Variants in MACROD2 observed in about 807,000 individuals in gnomAD.
MACROD2 encodes ADP-ribose glycohydrolase MACROD2.
Under a neutral mutation model 70.4 loss-of-function variants are expected in MACROD2, and 36 were observed. The observed-to-expected ratio is 0.51, with a 90% confidence interval of 0.39 to 0.68. MACROD2 has a LOEUF of 0.68. Among genes scored for constraint, MACROD2 ranks in the 30% least tolerant of loss-of-function variants. MACROD2 has a pLI of 0.00. For synonymous variants in MACROD2, 172 were observed against 178.8 expected, an observed-to-expected ratio of 0.96 and a Z score of 0.30; for missense variants, 496 against 538.4, an observed-to-expected ratio of 0.92 and a Z score of 0.78.
intron 3 of MACROD2, among the ~76,000 whole-genome samples, chr20:14,294,365 A>T (rs1399515326): frequency 3.3e-5 from 5 of 151,108 alleles, no homozygotes; most frequent in Non-Finnish European, 5.9e-5. Context: ...CTTGGAACCC[A>T]GAGTTTACAG....
chr20:14,208,154 G>A (rs1223910503), intron 3 of MACROD2, among the ~76,000 whole-genome samples: 1 of 152,154 alleles, frequency 6.6e-6, no homozygotes, highest in Non-Finnish European at 1.5e-5. Context: ...GTTGTTGAAG[G>A]TGATTTGGGG....
intron 5 of MACROD2, among the ~76,000 whole-genome samples, chr20:14,720,453 ATTTCCTCCTT>A (rs2071451538): frequency 1.4e-5 from 2 of 138,306 alleles, no homozygotes; most frequent in African/African-American, 5.6e-5. Context: ...TGTCATAGTC[ATTTCCTCCTT>A]TAGTTAGCAT....
At chr20:15,311,875 C>T (rs911510039) in intron 6 of MACROD2, among the ~76,000 whole-genome samples, 1 of 152,078 alleles carries the variant, frequency 6.6e-6, no homozygotes, top group African/African-American at 2.4e-5. Flanking sequence ...TCTCAAACCT[C>T]AGCGTCATGC....
intron 8 of MACROD2, among the ~76,000 whole-genome samples, chr20:15,644,229 T>C (rs2049506291): frequency 6.6e-6 from 1 of 152,302 alleles, no homozygotes; most frequent in Non-Finnish European, 1.5e-5. Context: ...AGTGCTGAGA[T>C]AGAAACCCTA....
intron 3 of MACROD2, among the ~76,000 whole-genome samples, chr20:14,491,906 TAA>T (rs1253095049): frequency 6.6e-6 from 1 of 152,008 alleles, no homozygotes; most frequent in Non-Finnish European, 1.5e-5. Flanking sequence ...AATATGAAAA[TAA>T]AAAATCAGCA....
At chr20:14,090,469 A>G (rs1453897176) in intron 3 of MACROD2, among the ~76,000 whole-genome samples, 1 of 151,646 alleles carries the variant, frequency 6.6e-6, no homozygotes, top group East Asian at 1.9e-4. Flanking sequence ...GCTACTCTGG[A>G]GGCTGAGGCA....
chr20:14,817,512 G>A (rs1230930707), intron 5 of MACROD2, among the ~76,000 whole-genome samples: 2 of 152,142 alleles, frequency 1.3e-5, no homozygotes, highest in African/African-American at 4.8e-5. Flanking sequence ...TGTATATTTT[G>A]CCTTCCAGGC....
chr20:14,499,448 G>A (rs1045419984), intron 4 of MACROD2, among the ~76,000 whole-genome samples: 1 of 151,958 alleles, frequency 6.6e-6, no homozygotes, highest in Non-Finnish European at 1.5e-5. Flanking sequence ...TGGGAGGATC[G>A]CTTGAGCTCT....
At chr20:14,522,244 A>G (rs935516101) in intron 4 of MACROD2, among the ~76,000 whole-genome samples, 2 of 108,294 alleles carry the variant, frequency 1.8e-5, no homozygotes, top group South Asian at 5.2e-4. Flanking sequence ...ACAGATAGAT[A>G]GGTCCTCAAC....
At chr20:15,191,916 G>GTATATA (rs747272073) in intron 5 of MACROD2, among the ~76,000 whole-genome samples, 3 of 63,436 alleles carry the variant, frequency 4.7e-5, no homozygotes, top group South Asian at 7.7e-4. Flanking sequence ...ACACATATGT[G>GTATATA]TATATATATA....
chr20:15,804,187 T>G (rs190016857), intron 8 of MACROD2, among the ~76,000 whole-genome samples: 2 of 152,340 alleles, frequency 1.3e-5, no homozygotes, highest in East Asian at 3.9e-4. Context: ...CTTCTTAAAG[T>G]TGGCATTTGA....
intron 8 of MACROD2, among the ~76,000 whole-genome samples, chr20:15,809,808 A>T (rs1250639737): frequency 6.6e-6 from 1 of 151,614 alleles, no homozygotes. Flanking sequence ...TGGAAAATAC[A>T]GGGAGAGTCA....
chr20:14,285,324 G>A (rs2122422359), intron 3 of MACROD2, among the ~76,000 whole-genome samples: 2 of 152,186 alleles, frequency 1.3e-5, no homozygotes, highest in South Asian at 4.1e-4. Flanking sequence ...ATAATTTTGT[G>A]CATGAAACAA....
At chr20:14,692,875 A>G (rs917296297) in intron 5 of MACROD2, among the ~76,000 whole-genome samples, 2 of 152,204 alleles carry the variant, frequency 1.3e-5, no homozygotes, top group African/African-American at 4.8e-5. Context: ...GTCCACCCCC[A>G]AATGGCTTTG....
chr20:14,305,025 C>G (rs930095858), intron 3 of MACROD2, among the ~76,000 whole-genome samples: 1 of 152,250 alleles, frequency 6.6e-6, no homozygotes, highest in East Asian at 1.9e-4. Context: ...CTCGGCCCCA[C>G]TCCAGACCAA....
intron 4 of MACROD2, among the ~76,000 whole-genome samples, chr20:14,560,469 T>C (rs1271041304): frequency 6.6e-6 from 1 of 151,782 alleles, no homozygotes; most frequent in African/African-American, 2.4e-5. Context: ...TGGTTGGATA[T>C]AAGAAAGTAC....
At chr20:15,053,023 C>T (rs984071765) in intron 5 of MACROD2, among the ~76,000 whole-genome samples, 17 of 152,310 alleles carry the variant, frequency 1.1e-4, no homozygotes, top group Non-Finnish European at 2.2e-4. Flanking sequence ...TCCAGAGCAA[C>T]GCCCTAACTC....
intron 5 of MACROD2, among the ~76,000 whole-genome samples, chr20:14,711,923 TAGTC>T (rs1298443874): frequency 2.0e-5 from 3 of 152,226 alleles, no homozygotes; most frequent in African/African-American, 7.2e-5. Context: ...AAGTCCCTGT[TAGTC>T]AGCTTCTTAA....
intron 4 of MACROD2, among the ~76,000 whole-genome samples, chr20:14,518,635 C>G (rs1272699567): frequency 6.6e-6 from 1 of 152,054 alleles, no homozygotes; most frequent in African/African-American, 2.4e-5. Flanking sequence ...TCATTTTTCT[C>G]TTCTTATTTG....
Sources: gnomAD v4.1 joint callset for allele counts (sites outside exome capture counted in the v4.1 genomes callset) on GRCh38, gnomAD v4.1.1 for gene constraint, MANE v1.5 for transcripts, NCBI Gene and HGNC (gene_info 2026-07-23, HGNC 2026-07-21) for gene names.